The following TAF4B variants were observed in gnomAD, a reference collection of about 807,000 sequenced individuals.
The protein encoded by TAF4B is TATA-box binding protein associated factor 4b.
In TAF4B, 38 loss-of-function variants were observed where a neutral mutation model predicts 86.4. That is an observed-to-expected ratio of 0.44 (90% CI 0.34 to 0.58). TAF4B has a LOEUF of 0.58. Ranked by LOEUF, TAF4B falls within the 20% of genes least tolerant of loss-of-function variation. The pLI is 0.02. For synonymous variants in TAF4B, 388 were observed against 391.2 expected (o/e 0.99, Z 0.10); for missense variants, 988 against 1,027.6 (o/e 0.96, Z 0.53).
At chr18:26,256,001 G>T in intron 1 of TAF4B, 1 of 1,289,464 alleles carries the variant, frequency 7.8e-7, no homozygotes, top group Non-Finnish European at 1.1e-6. Flanking sequence ...GTGAGCATCA[G>T]AATTACGATG....
chr18:26,263,085 G>A (rs924020082), intron 1 of TAF4B, among the ~76,000 whole-genome samples: 10 of 152,082 alleles, frequency 6.6e-5, no homozygotes, highest in African/African-American at 1.7e-4. Context: ...TGAGTAGCTC[G>A]GACTACAGGC....
chr18:26,298,851 CTTTTTTTTTT>C (rs56044910), intron 9 of TAF4B, among the ~76,000 whole-genome samples: 3 of 46,542 alleles, frequency 6.4e-5, no homozygotes, highest in African/African-American at 9.1e-5. Flanking sequence ...AGCCTATTGC[CTTTTTTTTTT>C]TTTTTTTTTT....
chr18:26,256,941 A>G (rs2056094100), intron 1 of TAF4B, among the ~76,000 whole-genome samples: 1 of 151,432 alleles, frequency 6.6e-6, no homozygotes, highest in Non-Finnish European at 1.5e-5. Context: ...AATGGCGAAA[A>G]CCGTGATTAC....
At chr18:26,274,429 C>T (rs1048686950) in intron 3 of TAF4B, among the ~76,000 whole-genome samples, 5 of 152,148 alleles carry the variant, frequency 3.3e-5, no homozygotes, top group Non-Finnish European at 2.9e-5. Context: ...GATTAAGTAA[C>T]TTGCCTGCAG....
chr18:26,339,256 T>C (rs192990590), intron 13 of TAF4B, among the ~76,000 whole-genome samples: 104 of 152,352 alleles, frequency 6.8e-4, no homozygotes, highest in South Asian at 4.8e-3. Context: ...TCTAGATACT[T>C]TTCCTAAAAT....
chr18:26,386,254 A>C lies in TAF4B; in HGVS notation c.2422-3591A>C, dbSNP rs374032717. ...TTCCCCTGAATCCTTCAGGCTTGTC[A>C]CATGACAAACATGAACTGTGACCCC... On this transcript the variant is annotated intron_variant, in intron 14 of 14. Coordinates refer to ENST00000269142, the MANE Select transcript of TAF4B (RefSeq NM_005640.3). 2.0e-5 allele frequency among the ~76,000 whole-genome samples: 3 copies of C among 152,056 alleles called. No individual in the cohort carries two copies. The East Asian group carries it at 5.8e-4, about 29-fold the overall frequency.
At chr18:26,306,184 A>G (rs116244498) in intron 9 of TAF4B, among the ~76,000 whole-genome samples, 6,649 of 152,204 alleles carry the variant, frequency 0.044, 202 homozygotes, top group Non-Finnish European at 0.061. Flanking sequence ...AATGTTTTTA[A>G]TGTTTAATTT....
chr18:26,236,954 C>G (rs1385084446), intron 1 of TAF4B, among the ~76,000 whole-genome samples: 1 of 152,142 alleles, frequency 6.6e-6, no homozygotes, highest in African/African-American at 2.4e-5. Flanking sequence ...TTCTTAAGGC[C>G]TCCCGTAGCC....
At chr18:26,358,935 A>C (rs2057310454) in intron 14 of TAF4B, among the ~76,000 whole-genome samples, 1 of 152,238 alleles carries the variant, frequency 6.6e-6, no homozygotes, top group Non-Finnish European at 1.5e-5. Context: ...TCACCTTAAT[A>C]GATGAAAGAT....
intron 12 of TAF4B, among the ~76,000 whole-genome samples, chr18:26,328,306 G>A (rs1330706979): frequency 1.3e-5 from 2 of 151,874 alleles, no homozygotes; most frequent in Non-Finnish European, 2.9e-5. Flanking sequence ...AATATTAGCC[G>A]GGTGTGGTGG....
intron 3 of TAF4B, among the ~76,000 whole-genome samples, chr18:26,272,718 TTAA>T (rs2056336450): frequency 6.6e-6 from 1 of 152,048 alleles, no homozygotes; most frequent in Admixed American, 6.5e-5. Flanking sequence ...GTACAGAGAG[TTAA>T]TGACTGATTA....
intron 5 of TAF4B, 78 bp from the exon 6 acceptor site, chr18:26,281,893 A>G (rs1311700415): frequency 1.8e-6 from 2 of 1,099,538 alleles, no homozygotes; most frequent in African/African-American, 3.2e-5. Flanking sequence ...TGCTATGTCT[A>G]CAATCATGAA....
chr18:26,299,563 C>T (rs965339941), intron 9 of TAF4B, among the ~76,000 whole-genome samples: 7 of 152,002 alleles, frequency 4.6e-5, no homozygotes, highest in Middle Eastern at 3.2e-3. Context: ...AGTCTTCCCC[C>T]CCTCCTTTGT....
At chr18:26,356,731 T>C (rs1225006765) in intron 13 of TAF4B, among the ~76,000 whole-genome samples, 5 of 151,702 alleles carry the variant, frequency 3.3e-5, no homozygotes, top group Non-Finnish European at 7.4e-5. Context: ...ATTATTCTTC[T>C]CTTCTGAAAA....
Position 26,286,103 on chromosome 18 carries a change from A to C in TAF4B, c.1194A>C (p.Pro398=). The C allele has an allele frequency of 6.2e-7, 1 of 1,614,238 alleles. No individual in the cohort carries two copies. Among genetic ancestry groups the C allele is most frequent in the African/African-American group, 1.3e-5 (1 of 75,068 alleles). The change falls in exon 7 of 15, where the codon CCA becomes CCC. Residue 398 remains proline, a synonymous_variant. Transcript: ENST00000269142. ...CTGTGTCAGTGCAAACTTTGAACCCACTTGCTGGTCCAGTGGGAGCAAAAG... is the reference window on the plus strand; with the variant it reads ...CTGTGTCAGTGCAAACTTTGAACCCCCTTGCTGGTCCAGTGGGAGCAAAAG... ...PRTVSVQTLN[P]LAGPVGAKAG...
chr18:26,341,020 C>T (rs749575911), intron 13 of TAF4B, among the ~76,000 whole-genome samples: 14 of 151,966 alleles, frequency 9.2e-5, no homozygotes, highest in Non-Finnish European at 1.9e-4. Context: ...AAGAAGATTG[C>T]GTGCATACTT....
intron 14 of TAF4B, among the ~76,000 whole-genome samples, chr18:26,359,907 G>T (rs1291299749): frequency 1.3e-5 from 2 of 150,666 alleles, no homozygotes; most frequent in South Asian, 4.2e-4. Flanking sequence ...TGGTAGAGAC[G>T]GAGTTTTGCC....
Position 26,286,514 on chromosome 18 carries a change from G to GT in TAF4B, c.1590+18dup. The GT allele has an allele frequency of 6.4e-7, 1 of 1,572,930 alleles. No individual in the cohort carries two copies. The highest frequency in any genetic ancestry group is 8.6e-7 in the Non-Finnish European group (1 of 1,166,348). ...TCAAGCAACTAGTGAGTAACATTTT[G>GT]TTTCTTCCCCAGTTACTTATTTTGA... On this transcript the variant is annotated intron_variant, in intron 7 of 14. Transcript: ENST00000269142.
At chr18:26,389,660 G>T (rs893958611) in intron 14 of TAF4B, among the ~76,000 whole-genome samples, 185 bp from the exon 15 acceptor site, 1 of 152,220 alleles carries the variant, frequency 6.6e-6, no homozygotes, top group East Asian at 1.9e-4. Flanking sequence ...ATGAGGTCAG[G>T]TGATAGGTTT....
Sources: allele counts gnomAD v4.1 joint callset (sites outside exome capture counted in the v4.1 genomes callset), GRCh38; gene constraint gnomAD v4.1.1; transcripts MANE v1.5; gene names NCBI Gene and HGNC (gene_info 2026-07-23, HGNC 2026-07-21).